The following PDCD6IP variants were observed in gnomAD, a reference collection of about 807,000 sequenced individuals.
PDCD6IP encodes the protein programmed cell death 6-interacting protein.
Under a neutral mutation model 103.7 loss-of-function variants are expected in PDCD6IP, and 43 were observed. The observed-to-expected ratio is 0.41, with a 90% confidence interval of 0.32 to 0.53. PDCD6IP has a LOEUF of 0.53. Ranked by LOEUF, PDCD6IP falls within the 20% of genes least tolerant of loss-of-function variation. The probability of loss-of-function intolerance (pLI) is 0.16; values close to 1 mark genes in which losing one functional copy is unlikely to be tolerated. For synonymous variants in PDCD6IP, 354 were observed against 378.7 expected, an observed-to-expected ratio of 0.93 and a Z score of 0.76; for missense variants, 871 against 1,036.7, an observed-to-expected ratio of 0.84 and a Z score of 2.20.
intron 7 of PDCD6IP, among the ~76,000 whole-genome samples, chr3:33,831,845 G>T (rs141175363): frequency 1.3e-5 from 2 of 151,872 alleles, no homozygotes; most frequent in African/African-American, 4.8e-5. Flanking sequence ...ATACAGTGTT[G>T]TGTACCTTCT....
At chr3:33,824,988 T>A (rs1697084204) in intron 4 of PDCD6IP, among the ~76,000 whole-genome samples, 199 bp from the exon 5 acceptor site, 1 of 152,252 alleles carries the variant, frequency 6.6e-6, no homozygotes, top group South Asian at 2.1e-4. Context: ...CTTTGTTAAA[T>A]CTCTTGTTAC....
At chr3:33,814,443 C>T (rs1008024927) in intron 3 of PDCD6IP, among the ~76,000 whole-genome samples, 1 of 151,596 alleles carries the variant, frequency 6.6e-6, no homozygotes, top group African/African-American at 2.4e-5. Flanking sequence ...CCATTAGATT[C>T]TTATGTGGAT....
chr3:33,840,365 A>G (rs1243573166), intron 9 of PDCD6IP, among the ~76,000 whole-genome samples: 1 of 152,226 alleles, frequency 6.6e-6, no homozygotes, highest in African/African-American at 2.4e-5. Context: ...TTGCTGTCTT[A>G]CAGGTGGCAG....
chr3:33,828,828 C>G, intron 6 of PDCD6IP, 25 bp from the exon 7 acceptor site: 1 of 1,611,958 alleles, frequency 6.2e-7, no homozygotes, highest in Non-Finnish European at 8.5e-7. Context: ...TTGGACTCTC[C>G]CCTGGTCAGT....
chr3:33,859,073 C>T (rs916787247), intron 15 of PDCD6IP, among the ~76,000 whole-genome samples: 20 of 152,108 alleles, frequency 1.3e-4, no homozygotes, highest in African/African-American at 4.1e-4. Context: ...CACAGTGGTA[C>T]TGGTACATGA....
At chr3:33,826,871 G>A (rs1390548241) in intron 6 of PDCD6IP, 6 of 1,174,386 alleles carry the variant, frequency 5.1e-6, no homozygotes, top group African/African-American at 1.6e-5. Flanking sequence ...TCAAATCAAG[G>A]CATTGTGTAG....
At chr3:33,864,406 A>G (rs1014519097) in intron 16 of PDCD6IP, among the ~76,000 whole-genome samples, 2 of 152,180 alleles carry the variant, frequency 1.3e-5, no homozygotes, top group African/African-American at 4.8e-5. Context: ...CTATTAGGAA[A>G]CAATTGGACA....
intron 6 of PDCD6IP, chr3:33,828,623 G>GT (rs1373345563): frequency 9.6e-6 from 3 of 313,800 alleles, no homozygotes; most frequent in Non-Finnish European, 1.8e-5. Flanking sequence ...TCAGTTAACA[G>GT]TTAAAAAAAA....
At chr3:33,827,204 T>C (rs766877370) in intron 6 of PDCD6IP, 9 of 979,070 alleles carry the variant, frequency 9.2e-6, no homozygotes, top group Non-Finnish European at 1.1e-5. Context: ...GATCATTTGT[T>C]AATGACAAAG....
chr3:33,806,055 T>A (rs1575897628), intron 1 of PDCD6IP, among the ~76,000 whole-genome samples: 1 of 152,132 alleles, frequency 6.6e-6, no homozygotes. Flanking sequence ...TAAACTAGAA[T>A]TTCTAATGGG....
chr3:33,860,787 A>G (rs1697934457), intron 15 of PDCD6IP, among the ~76,000 whole-genome samples: 1 of 152,158 alleles, frequency 6.6e-6, no homozygotes, highest in South Asian at 2.1e-4. Flanking sequence ...TCTACTGTTG[A>G]ATATTTTGAG....
intron 7 of PDCD6IP, among the ~76,000 whole-genome samples, chr3:33,831,142 G>C (rs1697235639): frequency 6.6e-6 from 1 of 152,028 alleles, no homozygotes; most frequent in African/African-American, 2.4e-5. Context: ...CTTGAACAGT[G>C]CAGTTTATGT....
chr3:33,800,279 G>A (rs1307047717), intron 1 of PDCD6IP, among the ~76,000 whole-genome samples: 2 of 152,136 alleles, frequency 1.3e-5, no homozygotes, highest in East Asian at 3.9e-4. Context: ...TGGCTGTAGT[G>A]TAATAACAAT....
chr3:33,841,674 G>A (rs552192547), intron 9 of PDCD6IP, among the ~76,000 whole-genome samples: 3 of 151,074 alleles, frequency 2.0e-5, no homozygotes, highest in African/African-American at 4.9e-5. Flanking sequence ...TCCTGACCTC[G>A]TGATCCTCCC....
chr3:33,841,894 C>T lies in PDCD6IP; in HGVS notation c.1182-3C>T. ...AGTATAACATAGTATCTCATTTTTT[C>T]AGGGTGCTAGCTTCCCTTAATCTTC... On this transcript the variant is annotated splice_region_variant and splice_polypyrimidine_tract_variant and intron_variant, in intron 9 of 17. Coordinates refer to ENST00000307296, the MANE Select transcript of PDCD6IP (RefSeq NM_013374.6). 9 of 1,542,016 alleles carry T rather than the reference C, an allele frequency of 5.8e-6. No homozygotes were observed. The highest frequency in any genetic ancestry group is 7.9e-6 in the Non-Finnish European group (9 of 1,132,368).
chr3:33,817,994 A>T (rs1696893617), intron 3 of PDCD6IP, among the ~76,000 whole-genome samples: 1 of 151,986 alleles, frequency 6.6e-6, no homozygotes, highest in African/African-American at 2.4e-5. Context: ...GAGAGACTAC[A>T]GTCTGGTATG....
chr3:33,813,636 A>C lies in PDCD6IP; in HGVS notation c.334+8A>C. 6.5e-7 allele frequency: 1 copy of C among 1,527,284 alleles called. No homozygotes were observed. The highest frequency in any genetic ancestry group is 1.1e-5 in the South Asian group (1 of 87,610). 94.6% of individuals were successfully genotyped at this position (1,527,284 alleles called of 1,614,324 possible). On this transcript the variant is annotated splice_region_variant and intron_variant, in intron 3 of 17. Transcript: ENST00000307296. Reference sequence around the variant, plus strand: ...GAGGCTCTGTAAAACTGGGTATGTAATTTTTAATAAAAGTGATAGGAAAAT... The same window carrying C: ...GAGGCTCTGTAAAACTGGGTATGTACTTTTTAATAAAAGTGATAGGAAAAT...
chr3:33,805,040 C>T (rs1230050852), intron 1 of PDCD6IP, among the ~76,000 whole-genome samples: 1 of 152,096 alleles, frequency 6.6e-6, no homozygotes, highest in African/African-American at 2.4e-5. Context: ...TTCTTGATCC[C>T]CACACCTTCC....
chr3:33,837,577 A>T (rs1050715074), intron 8 of PDCD6IP, among the ~76,000 whole-genome samples: 1 of 150,170 alleles, frequency 6.7e-6, no homozygotes, highest in African/African-American at 2.5e-5. Flanking sequence ...TGCTGCCGTG[A>T]CCCACTCAGT....
Sources: allele counts gnomAD v4.1 joint callset (sites outside exome capture counted in the v4.1 genomes callset), GRCh38; gene constraint gnomAD v4.1.1; transcripts MANE v1.5; gene names NCBI Gene and HGNC (gene_info 2026-07-23, HGNC 2026-07-21).